The following PTPRG variants were observed in gnomAD, a reference collection of about 807,000 sequenced individuals.
PTPRG encodes the protein receptor-type tyrosine-protein phosphatase gamma.
PTPRG carries 102 observed loss-of-function variants against 165.3 expected under a neutral mutation model. The ratio of observed to expected loss-of-function variants is 0.62; its 90% CI spans 0.53 to 0.73. The LOEUF (loss-of-function observed/expected upper bound fraction) is 0.73. Among genes scored for constraint, PTPRG ranks in the 30% least tolerant of loss-of-function variants. The probability of loss-of-function intolerance (pLI) is 0.00; values close to 1 mark genes in which losing one functional copy is unlikely to be tolerated. For synonymous variants in PTPRG, 675 were observed against 669.5 expected (o/e 1.01, Z -0.13); for missense variants, 1,866 against 1,861.4 (o/e 1.00, Z -0.05).
chr3:62,024,869 G>A lies in PTPRG; in HGVS notation c.519+21372G>A, dbSNP rs185256133. On this transcript the variant is annotated intron_variant, in intron 4 of 29. Coordinates refer to ENST00000474889, the MANE Select transcript of PTPRG (RefSeq NM_002841.4). ...GGCTGTGTTTTGTGAATTTCGACATGCGATTTTCCAATTCATCAGTATCAG... is the reference window on the plus strand; with the variant it reads ...GGCTGTGTTTTGTGAATTTCGACATACGATTTTCCAATTCATCAGTATCAG... Among the ~76,000 whole-genome samples the A allele has an allele frequency of 1.2e-3, 187 of 152,284 alleles. 1 individual carries two copies. The highest frequency in any genetic ancestry group is 0.011 in the Admixed American group (170 of 15,296).
intron 1 of PTPRG, among the ~76,000 whole-genome samples, chr3:61,654,966 T>C (rs1702469570): frequency 6.6e-6 from 1 of 151,562 alleles, no homozygotes; most frequent in African/African-American, 2.4e-5. Flanking sequence ...ATTTTTTTTT[T>C]AGTAGAGACG....
intron 13 of PTPRG, among the ~76,000 whole-genome samples, chr3:62,230,007 C>T (rs1700857648): frequency 6.6e-6 from 1 of 152,182 alleles, no homozygotes; most frequent in African/African-American, 2.4e-5. Context: ...CTCATGATTT[C>T]TTCAGATTAA....
chr3:61,641,556 C>A (rs1329963607), intron 1 of PTPRG, among the ~76,000 whole-genome samples: 1 of 152,192 alleles, frequency 6.6e-6, no homozygotes, highest in Non-Finnish European at 1.5e-5. Context: ...TTCTGACTCT[C>A]ATTTAGGTAA....
chr3:61,921,220 A>G (rs2039071503), intron 2 of PTPRG, among the ~76,000 whole-genome samples: 1 of 151,990 alleles, frequency 6.6e-6, no homozygotes, highest in African/African-American at 2.4e-5. Context: ...AGCTTTAGGA[A>G]AGTCTTATTT....
intron 4 of PTPRG, among the ~76,000 whole-genome samples, chr3:62,026,052 T>A (rs1027907113): frequency 9.2e-5 from 14 of 152,224 alleles, no homozygotes; most frequent in Admixed American, 9.2e-4. Flanking sequence ...CATTAAAGTA[T>A]GCAGTGCCAT....
At chr3:62,001,829 G>T (rs6445245) in intron 3 of PTPRG, among the ~76,000 whole-genome samples, 14,873 of 152,126 alleles carry the variant, frequency 0.098, 1,243 homozygotes, top group African/African-American at 0.22. Context: ...AGTATTATCT[G>T]TGGCTGCTTC....
intron 5 of PTPRG, among the ~76,000 whole-genome samples, chr3:62,111,447 T>C (rs1576015464): frequency 6.6e-6 from 1 of 152,174 alleles, no homozygotes; most frequent in African/African-American, 2.4e-5. Context: ...AAAAAGAATC[T>C]GTCATTTTCT....
At chr3:61,924,168 C>T (rs2107568528) in intron 2 of PTPRG, among the ~76,000 whole-genome samples, 1 of 152,264 alleles carries the variant, frequency 6.6e-6, no homozygotes, top group Non-Finnish European at 1.5e-5. Context: ...AGTGTGTTCT[C>T]TCTGTGCCAT....
intron 1 of PTPRG, among the ~76,000 whole-genome samples, chr3:61,654,424 C>G (rs181862606): frequency 6.6e-6 from 1 of 151,700 alleles, no homozygotes; most frequent in Admixed American, 6.6e-5. Flanking sequence ...TCACTCTGTC[C>G]CCCAGGCCAG....
At chr3:62,122,424 A>G (rs1457231047) in intron 5 of PTPRG, among the ~76,000 whole-genome samples, 1 of 152,204 alleles carries the variant, frequency 6.6e-6, no homozygotes, top group Non-Finnish European at 1.5e-5. Flanking sequence ...AGACTACATT[A>G]TGAGAGCAAT....
chr3:62,108,885 G>A (rs1702567598), intron 5 of PTPRG, among the ~76,000 whole-genome samples: 1 of 152,084 alleles, frequency 6.6e-6, no homozygotes, highest in African/African-American at 2.4e-5. Flanking sequence ...TTTTTGATGG[G>A]GTTGTTTTTT....
intron 28 of PTPRG, among the ~76,000 whole-genome samples, chr3:62,290,501 C>CTATT (rs1276792093): frequency 6.6e-6 from 1 of 152,064 alleles, no homozygotes; most frequent in Non-Finnish European, 1.5e-5. Context: ...ACAGCCAAGA[C>CTATT]TATTACAGAA....
chr3:62,086,278 A>ATTTTTT (rs34119209), intron 5 of PTPRG, among the ~76,000 whole-genome samples: 1 of 148,172 alleles, frequency 6.7e-6, no homozygotes. Context: ...TATGGTTTTA[A>ATTTTTT]TTTTTTTTTT....
At chr3:62,220,416 T>C (rs1268338778) in intron 13 of PTPRG, among the ~76,000 whole-genome samples, 4 of 152,168 alleles carry the variant, frequency 2.6e-5, no homozygotes, top group Non-Finnish European at 5.9e-5. Flanking sequence ...AGGACACGAT[T>C]GTGTCTCAGA....
At chr3:62,182,979 T>A (rs1310910912) in intron 8 of PTPRG, among the ~76,000 whole-genome samples, 2 of 152,202 alleles carry the variant, frequency 1.3e-5, no homozygotes, top group African/African-American at 2.4e-5. Flanking sequence ...CTAAAGTACG[T>A]TTGCTATATG....
At chr3:62,174,737 A>G (rs766726436) in intron 8 of PTPRG, among the ~76,000 whole-genome samples, 1 of 152,232 alleles carries the variant, frequency 6.6e-6, no homozygotes, top group Admixed American at 6.5e-5. Context: ...AATCATTTCT[A>G]CTCACCAGAT....
chr3:61,584,049 C>A (rs538445057), intron 1 of PTPRG, among the ~76,000 whole-genome samples: 1 of 152,102 alleles, frequency 6.6e-6, no homozygotes, highest in Non-Finnish European at 1.5e-5. Flanking sequence ...TTTGGTTTTT[C>A]GAGTTCATTC....
intron 2 of PTPRG, among the ~76,000 whole-genome samples, chr3:61,805,417 T>G (rs73841154): frequency 0.038 from 5,830 of 152,082 alleles, 377 homozygotes; most frequent in African/African-American, 0.13. Flanking sequence ...TCTCCTTATT[T>G]CTTTATTTCA....
chr3:61,848,641 G>A (rs6802156), intron 2 of PTPRG, among the ~76,000 whole-genome samples: 64,454 of 151,976 alleles, frequency 0.42, 14,864 homozygotes, highest in East Asian at 0.61. Context: ...TGTTAAACCA[G>A]GTTGTTCCTA....
Sources: allele counts gnomAD v4.1 joint callset (sites outside exome capture counted in the v4.1 genomes callset), GRCh38; gene constraint gnomAD v4.1.1; transcripts MANE v1.5; gene names NCBI Gene and HGNC (gene_info 2026-07-23, HGNC 2026-07-21).